Variants in PPM1H observed in about 807,000 individuals in gnomAD.
The protein encoded by PPM1H is protein phosphatase, Mg2+/Mn2+ dependent 1H, also known as protein phosphatase 1H.
PPM1H carries 27 observed loss-of-function variants against 54.9 expected under a neutral mutation model. The observed-to-expected ratio is 0.49, with a 90% confidence interval of 0.36 to 0.68. PPM1H has a LOEUF of 0.68. Among genes scored for constraint, PPM1H ranks in the 30% least tolerant of loss-of-function variants. PPM1H has a pLI of 0.00. For synonymous variants in PPM1H, 305 were observed against 270.8 expected, an observed-to-expected ratio of 1.13 and a Z score of -1.24; for missense variants, 596 against 667.8, an observed-to-expected ratio of 0.89 and a Z score of 1.19.
rs151006754 is a variant in PPM1H, at chr12:62,706,514, T to C, written c.1074-12515A>G. The stretch of plus-strand genomic sequence containing the variant: ...AACGGATTTTCACATACCCCAATGT[T>C]TATTATGCAATCTTTTTGTTCCAGG... On this transcript the variant is annotated intron_variant, in intron 6 of 9. Coordinates refer to ENST00000228705, the MANE Select transcript of PPM1H (RefSeq NM_020700.2). Among the ~76,000 whole-genome samples the C allele has an allele frequency of 7.4e-4, 112 of 152,376 alleles. 1 individual carries two copies. Among genetic ancestry groups the C allele is most frequent in the African/African-American group, 2.5e-3 (105 of 41,586 alleles).
chr12:62,868,516 C>T (rs1255665141), intron 1 of PPM1H, among the ~76,000 whole-genome samples: 1 of 152,194 alleles, frequency 6.6e-6, no homozygotes, highest in Non-Finnish European at 1.5e-5. Context: ...AGGACGGCAT[C>T]CACTGAACAC....
At chr12:62,817,150 AC>A (rs1565797669) in intron 2 of PPM1H, among the ~76,000 whole-genome samples, 57 of 115,296 alleles carry the variant, frequency 4.9e-4, no homozygotes, top group East Asian at 2.2e-3. Context: ...AAAAAAAAAA[AC>A]TAAAAAAAAG....
Position 62,742,470 on chromosome 12 carries a change from A to G in PPM1H, c.870-4884T>C, listed in dbSNP as rs193262742. Among the ~76,000 whole-genome samples, 6 of 152,294 alleles carry G rather than the reference A, an allele frequency of 3.9e-5. No individual in the cohort carries two copies. In the East Asian group the frequency reaches 1.2e-3, roughly 29 times the overall value. On this transcript the variant is annotated intron_variant, in intron 4 of 9. Transcript: ENST00000228705. ...CTCCAATCTGGAGTAGGGCAATGAG[A>G]CGAAAGGGGTTTCAAACGGAACGAA...
At chr12:62,872,103 A>G (rs568664757) in intron 1 of PPM1H, among the ~76,000 whole-genome samples, 21 of 152,364 alleles carry the variant, frequency 1.4e-4, no homozygotes, top group African/African-American at 5.0e-4. Context: ...TCTCATCAGA[A>G]TTTCTGAGAT....
Position 62,816,976 on chromosome 12 carries a change from C to T in PPM1H, c.412-14816G>A, listed in dbSNP as rs2076869810. ...CTGGTCTTCAGAGTAATCCAACACC[C>T]ACCAATAAGGGGCCTTTAAAGGGAT... On this transcript the variant is annotated intron_variant, in intron 2 of 9. Coordinates refer to ENST00000228705, the MANE Select transcript of PPM1H (RefSeq NM_020700.2). Among the ~76,000 whole-genome samples the T allele has an allele frequency of 2.0e-5, 3 of 151,420 alleles. No homozygotes were observed. In the South Asian group the frequency reaches 6.2e-4, roughly 31 times the overall value.
At chr12:62,772,001 CG>C (rs762461475) in intron 4 of PPM1H, among the ~76,000 whole-genome samples, 8 of 152,114 alleles carry the variant, frequency 5.3e-5, no homozygotes, top group African/African-American at 1.2e-4. Flanking sequence ...AATTTACAGA[CG>C]AGGTAACTGG....
At chr12:62,814,366 G>A (rs1399830102) in intron 2 of PPM1H, among the ~76,000 whole-genome samples, 4 of 151,972 alleles carry the variant, frequency 2.6e-5, no homozygotes, top group Non-Finnish European at 5.9e-5. Context: ...CTACAGGCAT[G>A]TGCCACCACA....
At chr12:62,847,447 T>G (rs562499132) in intron 1 of PPM1H, among the ~76,000 whole-genome samples, 1 of 152,208 alleles carries the variant, frequency 6.6e-6, no homozygotes, top group Non-Finnish European at 1.5e-5. Flanking sequence ...TAATTCTGTA[T>G]TCTCAGAGAT....
intron 5 of PPM1H, among the ~76,000 whole-genome samples, chr12:62,731,375 G>T (rs1038438266): frequency 6.6e-6 from 1 of 152,118 alleles, no homozygotes; most frequent in Admixed American, 6.5e-5. Flanking sequence ...TGCTCTCAAG[G>T]TTAGGTGGGA....
chr12:62,673,759 T>G (rs1055299948), intron 8 of PPM1H, among the ~76,000 whole-genome samples: 10 of 136,652 alleles, frequency 7.3e-5, no homozygotes, highest in African/African-American at 2.5e-4. Context: ...AGGGTCTTGC[T>G]GTGTCGCGCA....
intron 2 of PPM1H, among the ~76,000 whole-genome samples, chr12:62,817,152 T>TAAAAAAAAAAAAAAAAAAAAAAAAAACA (rs2076873724): frequency 3.2e-5 from 2 of 63,142 alleles, no homozygotes; most frequent in African/African-American, 7.4e-5. Flanking sequence ...AAAAAAAAAC[T>TAAAAAAAAAAAAAAAAAAAAAAAAAACA]AAAAAAAAGA....
intron 3 of PPM1H, among the ~76,000 whole-genome samples, chr12:62,790,328 A>G (rs2076695442): frequency 6.6e-6 from 1 of 152,172 alleles, no homozygotes; most frequent in Non-Finnish European, 1.5e-5. Flanking sequence ...TGTAATTCCA[A>G]TACTTTGGGA....
At chr12:62,840,422 A>G (rs1424264849) in intron 1 of PPM1H, among the ~76,000 whole-genome samples, 1 of 152,206 alleles carries the variant, frequency 6.6e-6, no homozygotes, top group Non-Finnish European at 1.5e-5. Context: ...GGAGGGATGC[A>G]CACATTTAGT....
intron 1 of PPM1H, among the ~76,000 whole-genome samples, chr12:62,900,614 G>A (rs935446149): frequency 1.3e-5 from 2 of 148,968 alleles, no homozygotes; most frequent in African/African-American, 5.0e-5. Context: ...AAAAAAAAAG[G>A]AAAGGACTAC....
intron 1 of PPM1H, among the ~76,000 whole-genome samples, chr12:62,930,959 A>G (rs1432478434): frequency 6.6e-6 from 1 of 152,232 alleles, no homozygotes; most frequent in Non-Finnish European, 1.5e-5. Context: ...GACAATGCCA[A>G]TGAATACTGA....
At chr12:62,789,334 A>G (rs2076691201) in intron 3 of PPM1H, among the ~76,000 whole-genome samples, 1 of 152,238 alleles carries the variant, frequency 6.6e-6, no homozygotes, top group Non-Finnish European at 1.5e-5. Flanking sequence ...AAAGTCTTGG[A>G]TAAATAGTCT....
intron 1 of PPM1H, among the ~76,000 whole-genome samples, chr12:62,878,626 T>TTA (rs1287618086): frequency 1.2e-5 from 1 of 81,564 alleles, no homozygotes; most frequent in Non-Finnish European, 2.3e-5. Flanking sequence ...TGATTACGCT[T>TTA]AAAAAAAAAA....
intron 4 of PPM1H, among the ~76,000 whole-genome samples, chr12:62,746,643 A>G (rs760113571): frequency 5.3e-5 from 8 of 152,172 alleles, no homozygotes; most frequent in Non-Finnish European, 1.0e-4. Flanking sequence ...TACGCTTTCT[A>G]TTGCCTGGGA....
intron 9 of PPM1H, among the ~76,000 whole-genome samples, chr12:62,666,662 C>CACTT (rs1490604233): frequency 6.6e-6 from 1 of 152,104 alleles, no homozygotes; most frequent in African/African-American, 2.4e-5. Flanking sequence ...AATTCTTTAC[C>CACTT]ACTTGTATCT....
Sources: gnomAD v4.1 joint callset for allele counts (sites outside exome capture counted in the v4.1 genomes callset) on GRCh38, gnomAD v4.1.1 for gene constraint, MANE v1.5 for transcripts, NCBI Gene and HGNC (gene_info 2026-07-23, HGNC 2026-07-21) for gene names.